Variants in CLIC4 observed in about 807,000 individuals in gnomAD.
The protein encoded by CLIC4 is CLIC family member 4, also known as chloride intracellular channel protein 4.
A neutral mutation model predicts 24.6 loss-of-function variants in CLIC4; 13 were observed. That is an observed-to-expected ratio of 0.53 (90% CI 0.34 to 0.84). The LOEUF (loss-of-function observed/expected upper bound fraction) is 0.84, where lower values mean the gene tolerates loss of function less well. CLIC4 is among the 40% of genes least tolerant of loss of function. CLIC4 has a pLI of 0.01. For missense variants in CLIC4, 227 were observed against 301.7 expected, an observed-to-expected ratio of 0.75 and a Z score of 1.83; for synonymous variants, 104 against 111.3, an observed-to-expected ratio of 0.93 and a Z score of 0.41.
chr1:24,813,866 G>A (rs991608100), intron 2 of CLIC4, among the ~76,000 whole-genome samples: 11 of 151,898 alleles, frequency 7.2e-5, no homozygotes, highest in African/African-American at 1.7e-4. Context: ...CTATAGACAC[G>A]CACCACCATG....
At position 24,777,357 on chromosome 1, in the gene CLIC4, AAC is replaced by A. The variant is rs537302258; in HGVS notation, c.73-20383_73-20382del. On this transcript the variant is annotated intron_variant, in intron 1 of 5. Coordinates refer to ENST00000374379, the MANE Select transcript of CLIC4 (RefSeq NM_013943.3). ...TCAGGAGTTCAAGACCAGCCTGACC[AAC>A]ATGGTGAAACCCTGTCTCTACTAAA... Among the ~76,000 whole-genome samples, 8 of 152,332 alleles carry A rather than the reference AAC, an allele frequency of 5.3e-5. No individual in the cohort carries two copies. The South Asian group carries it at 1.7e-3, about 32-fold the overall frequency.
intron 2 of CLIC4, among the ~76,000 whole-genome samples, chr1:24,801,559 A>G (rs1639490783): frequency 6.6e-6 from 1 of 152,214 alleles, no homozygotes; most frequent in Non-Finnish European, 1.5e-5. Context: ...TTTAAACCAT[A>G]TTATATATCA....
intron 1 of CLIC4, among the ~76,000 whole-genome samples, chr1:24,748,953 G>A (rs992773837): frequency 2.1e-4 from 32 of 152,160 alleles, no homozygotes; most frequent in African/African-American, 7.5e-4. Flanking sequence ...CAGGTGTGGT[G>A]GCACACTCCT....
chr1:24,815,108 T>C (rs1210689982), intron 3 of CLIC4, among the ~76,000 whole-genome samples: 2 of 152,212 alleles, frequency 1.3e-5, no homozygotes, highest in African/African-American at 4.8e-5. Context: ...TCCCAGTGCA[T>C]GTAAAAGTTA....
At chr1:24,799,583 CGTCGGGG>C (rs1639452180) in intron 2 of CLIC4, among the ~76,000 whole-genome samples, 1 of 149,700 alleles carries the variant, frequency 6.7e-6, no homozygotes, top group African/African-American at 2.5e-5. Flanking sequence ...CCAGCCGCCC[CGTCGGGG>C]AGGGAGGTGG....
intron 1 of CLIC4, among the ~76,000 whole-genome samples, chr1:24,794,723 T>G (rs765622596): frequency 1.3e-5 from 2 of 152,208 alleles, no homozygotes; most frequent in Non-Finnish European, 2.9e-5. Flanking sequence ...TTTGTCAACT[T>G]TCGTTGCAAT....
chr1:24,792,679 A>G (rs1263209875), intron 1 of CLIC4, among the ~76,000 whole-genome samples: 1 of 152,162 alleles, frequency 6.6e-6, no homozygotes, highest in Admixed American at 6.5e-5. Context: ...AAGAATATGC[A>G]TCCTTTTATT....
At chr1:24,827,745 TTTTA>T (rs1639801512) in intron 4 of CLIC4, among the ~76,000 whole-genome samples, 1 of 152,176 alleles carries the variant, frequency 6.6e-6, no homozygotes, top group African/African-American at 2.4e-5. Flanking sequence ...TGCAATTTTC[TTTTA>T]TTTATTAAAG....
At chr1:24,799,107 TC>T (rs1353589410) in intron 2 of CLIC4, among the ~76,000 whole-genome samples, 1 of 148,248 alleles carries the variant, frequency 6.7e-6, no homozygotes, top group East Asian at 2.0e-4. Flanking sequence ...TGGCCGCGCA[TC>T]GTCTGGGATG....
intron 3 of CLIC4, among the ~76,000 whole-genome samples, chr1:24,824,876 C>G (rs1639771134): frequency 6.6e-6 from 1 of 151,892 alleles, no homozygotes; most frequent in Non-Finnish European, 1.5e-5. Context: ...TGGCACATGC[C>G]TGTAGTCCCA....
Position 24,746,120 on chromosome 1 carries a change from AC to A in CLIC4, c.72+496del, listed in dbSNP as rs1263206379. On this transcript the variant is annotated intron_variant, in intron 1 of 5. Transcript: ENST00000374379. ...GTTTTTGAAAAAGCATTTGCTCCCC[AC>A]TGGTCTGAAACGGAAACTTTAATTT... Among the ~76,000 whole-genome samples, 5 of 152,292 alleles carry A rather than the reference AC, an allele frequency of 3.3e-5. No individual in the cohort carries two copies. The East Asian group carries it at 9.7e-4, about 29-fold the overall frequency.
chr1:24,814,348 T>C lies in CLIC4; in HGVS notation c.308+129T>C, dbSNP rs1237578338. 1.3e-5 allele frequency: 14 copies of C among 1,051,788 alleles called. No homozygotes were observed. In the South Asian group the frequency reaches 1.9e-4, roughly 14 times the overall value. 65.2% of individuals were successfully genotyped at this position (1,051,788 alleles called of 1,614,324 possible). A position where few individuals can be genotyped will look rare whatever the true frequency, so the allele number is the denominator to read the frequency against. On this transcript the variant is annotated intron_variant, in intron 3 of 5. Transcript: ENST00000374379. ...GACTCTCTTCTATGTTTCTTATAATTAATGCTACACAGATATAAGAATTGG... is the reference window on the plus strand; with the variant it reads ...GACTCTCTTCTATGTTTCTTATAATCAATGCTACACAGATATAAGAATTGG...
intron 1 of CLIC4, chr1:24,771,836 G>C (rs771768288): frequency 1.9e-6 from 1 of 513,196 alleles, no homozygotes; most frequent in South Asian, 1.4e-5. Context: ...TAACTGGAAG[G>C]CCAGGTTCAA....
At chr1:24,759,412 T>C (rs1638892061) in intron 1 of CLIC4, among the ~76,000 whole-genome samples, 1 of 151,818 alleles carries the variant, frequency 6.6e-6, no homozygotes, top group East Asian at 1.9e-4. Context: ...GGTGAGTAAA[T>C]GAGCCATGGT....
chr1:24,784,004 T>C (rs1639235920), intron 1 of CLIC4, among the ~76,000 whole-genome samples: 1 of 126,662 alleles, frequency 7.9e-6, no homozygotes, highest in East Asian at 2.1e-4. Flanking sequence ...CCAGTTTTGA[T>C]TTTTTTTTTT....
intron 4 of CLIC4, among the ~76,000 whole-genome samples, chr1:24,836,715 A>G (rs1241865242): frequency 6.6e-6 from 1 of 152,080 alleles, no homozygotes; most frequent in Non-Finnish European, 1.5e-5. Flanking sequence ...GCATGTGCCT[A>G]TAGTCCCAGC....
At chr1:24,836,481 C>CA (rs1370770853) in intron 4 of CLIC4, among the ~76,000 whole-genome samples, 1 of 151,786 alleles carries the variant, frequency 6.6e-6, no homozygotes, top group East Asian at 1.9e-4. Context: ...AAAATTTTTC[C>CA]AAAAAAATTG....
intron 4 of CLIC4, among the ~76,000 whole-genome samples, chr1:24,831,181 G>A (rs1451666841): frequency 2.0e-5 from 3 of 152,020 alleles, no homozygotes; most frequent in Non-Finnish European, 2.9e-5. Flanking sequence ...CAAAATTATA[G>A]AGAAAACAGT....
chr1:24,793,020 T>TTTA (rs1364560974), intron 1 of CLIC4, among the ~76,000 whole-genome samples: 1 of 152,220 alleles, frequency 6.6e-6, no homozygotes, highest in Non-Finnish European at 1.5e-5. Context: ...ATATCTTTAT[T>TTTA]ATGTCTCGTT....
Sources: gnomAD v4.1 joint callset for allele counts (sites outside exome capture counted in the v4.1 genomes callset) on GRCh38, gnomAD v4.1.1 for gene constraint, MANE v1.5 for transcripts, NCBI Gene and HGNC (gene_info 2026-07-23, HGNC 2026-07-21) for gene names.